Variants in IQCJ observed in about 807,000 individuals in gnomAD.
IQCJ encodes IQ domain-containing protein J.
In IQCJ, 9 loss-of-function variants were observed where a neutral mutation model predicts 11.0. That is an observed-to-expected ratio of 0.82 (90% CI 0.49 to 1.43). The LOEUF (loss-of-function observed/expected upper bound fraction) is 1.43. Ranked by LOEUF, IQCJ falls within the 40% of genes most tolerant of loss-of-function variation. The probability of loss-of-function intolerance (pLI) is 0.00; values close to 1 mark genes in which losing one functional copy is unlikely to be tolerated. For synonymous variants in IQCJ, 55 were observed against 51.3 expected (o/e 1.07, Z -0.31); for missense variants, 146 against 133.2 (o/e 1.10, Z -0.47).
downstream of IQCJ, chr3:159,266,235 A>G (rs548384706): frequency 1.3e-5 from 2 of 152,246 alleles, no homozygotes; most frequent in East Asian, 2.0e-4. Context: ...TTCTTCCACT[A>G]TATTACTTGA....
At chr3:159,111,337 A>C (rs1011191712) in intron 1 of IQCJ, among the ~76,000 whole-genome samples, 1 of 152,208 alleles carries the variant, frequency 6.6e-6, no homozygotes, top group Non-Finnish European at 1.5e-5. Flanking sequence ...CATATTGAAC[A>C]TACTTGTATT....
chr3:159,259,099 T>C (rs969406911), intron 3 of IQCJ, among the ~76,000 whole-genome samples: 34 of 152,250 alleles, frequency 2.2e-4, no homozygotes, highest in Admixed American at 1.1e-3. Context: ...GATAAACATA[T>C]GCATTGGCAA....
intron 1 of IQCJ, among the ~76,000 whole-genome samples, chr3:159,168,039 C>A (rs1389390049): frequency 6.6e-6 from 1 of 151,944 alleles, no homozygotes; most frequent in Non-Finnish European, 1.5e-5. Flanking sequence ...GGCCTTTTTC[C>A]CCCAATTCTA....
chr3:159,183,973 C>G (rs1418877729), intron 1 of IQCJ, among the ~76,000 whole-genome samples: 1 of 151,436 alleles, frequency 6.6e-6, no homozygotes, highest in African/African-American at 2.4e-5. Flanking sequence ...TTTTCTCTTG[C>G]CTCTCTACAA....
chr3:159,112,846 G>A (rs1718721844), intron 1 of IQCJ, among the ~76,000 whole-genome samples: 1 of 152,148 alleles, frequency 6.6e-6, no homozygotes, highest in Non-Finnish European at 1.5e-5. Flanking sequence ...AGCAGACCTG[G>A]AGAAAAATGG....
At chr3:159,137,582 T>C (rs1720369771) in intron 1 of IQCJ, among the ~76,000 whole-genome samples, 1 of 152,220 alleles carries the variant, frequency 6.6e-6, no homozygotes, top group African/African-American at 2.4e-5. Flanking sequence ...TTTCAGCCTT[T>C]TAATTACATT....
chr3:159,088,247 C>A (rs1716949268), intron 1 of IQCJ, among the ~76,000 whole-genome samples: 2 of 152,158 alleles, frequency 1.3e-5, no homozygotes, highest in Non-Finnish European at 2.9e-5. Flanking sequence ...GATTCTTAAT[C>A]CTGAGTTCTA....
intron 1 of IQCJ, among the ~76,000 whole-genome samples, chr3:159,179,609 G>C (rs1722977378): frequency 6.6e-6 from 1 of 152,114 alleles, no homozygotes; most frequent in African/African-American, 2.4e-5. Flanking sequence ...ATCTATCATA[G>C]ATGTGGGGAA....
At chr3:159,188,376 C>T (rs1723493416) in intron 1 of IQCJ, among the ~76,000 whole-genome samples, 1 of 152,166 alleles carries the variant, frequency 6.6e-6, no homozygotes. Flanking sequence ...CGCCATTACA[C>T]TCCAGCCTGG....
intron 1 of IQCJ, among the ~76,000 whole-genome samples, chr3:159,127,540 C>T (rs1051522310): frequency 6.6e-6 from 1 of 152,130 alleles, no homozygotes; most frequent in Non-Finnish European, 1.5e-5. Flanking sequence ...ATTTGTGTTT[C>T]AAGAGTGAAC....
chr3:159,229,373 G>C (rs531645382), intron 1 of IQCJ, among the ~76,000 whole-genome samples: 9 of 152,150 alleles, frequency 5.9e-5, no homozygotes, highest in Middle Eastern at 6.8e-3. Context: ...ATCTCATTCT[G>C]TCCTGAATGT....
intron 1 of IQCJ, among the ~76,000 whole-genome samples, chr3:159,144,221 A>T (rs1317914420): frequency 2.6e-5 from 4 of 152,208 alleles, no homozygotes; most frequent in Admixed American, 2.6e-4. Context: ...TGACCCAAAG[A>T]AGCTTGAACA....
intron 1 of IQCJ, among the ~76,000 whole-genome samples, chr3:159,149,368 G>C (rs1168323079): frequency 1.3e-5 from 2 of 152,234 alleles, no homozygotes; most frequent in South Asian, 2.1e-4. Flanking sequence ...TCATATGAAC[G>C]GTAGCTCTTT....
chr3:159,071,024 G>C (rs1466607103), intron 1 of IQCJ, among the ~76,000 whole-genome samples: 1 of 151,888 alleles, frequency 6.6e-6, no homozygotes, highest in Non-Finnish European at 1.5e-5. Flanking sequence ...TGACTGAGTT[G>C]TAACAATAAA....
chr3:159,077,224 G>A (rs1036745514), intron 1 of IQCJ, among the ~76,000 whole-genome samples: 10 of 152,082 alleles, frequency 6.6e-5, no homozygotes, highest in East Asian at 3.9e-4. Context: ...TGGCAAAGGC[G>A]GGGCTCTCAA....
chr3:159,235,802 C>T lies in IQCJ; in HGVS notation c.10-10041C>T, dbSNP rs115007970. ...TTTATGTCCTAATAATGTTTATGAACGTAGTCTGGTTGGTCAAACAAGAAC... is the reference window on the plus strand; with the variant it reads ...TTTATGTCCTAATAATGTTTATGAATGTAGTCTGGTTGGTCAAACAAGAAC... On this transcript the variant is annotated intron_variant, in intron 1 of 3. Coordinates refer to ENST00000397832, the MANE Select transcript of IQCJ (RefSeq NM_001042706.3). Among the ~76,000 whole-genome samples the T allele has an allele frequency of 5.6e-3, 857 of 152,248 alleles. 1 individual carries two copies. The highest frequency in any genetic ancestry group is 8.8e-3 in the Non-Finnish European group (596 of 68,014).
intron 1 of IQCJ, among the ~76,000 whole-genome samples, chr3:159,108,823 C>T (rs567538569): frequency 2.0e-5 from 3 of 152,166 alleles, no homozygotes; most frequent in Non-Finnish European, 2.9e-5. Flanking sequence ...ACCATCAACT[C>T]CTTGTGCTTT....
chr3:159,201,513 G>C (rs2044703), intron 1 of IQCJ, among the ~76,000 whole-genome samples: 31,624 of 80,704 alleles, frequency 0.39, 3,525 homozygotes, highest in East Asian at 0.56. Flanking sequence ...GTGTATCTCT[G>C]TGTGTGTGTG....
intron 1 of IQCJ, among the ~76,000 whole-genome samples, chr3:159,170,611 A>G (rs1304909681): frequency 6.6e-6 from 1 of 150,466 alleles, no homozygotes; most frequent in African/African-American, 2.4e-5. Context: ...GACTCAGCCT[A>G]TGGTTCTTTC....
Sources: gnomAD v4.1 joint callset for allele counts (sites outside exome capture counted in the v4.1 genomes callset) on GRCh38, gnomAD v4.1.1 for gene constraint, MANE v1.5 for transcripts, NCBI Gene and HGNC (gene_info 2026-07-23, HGNC 2026-07-21) for gene names.